The following ETV5 variants were observed in gnomAD, a reference collection of about 807,000 sequenced individuals.
The protein encoded by ETV5 is ETS translocation variant 5.
In ETV5, 10 loss-of-function variants were observed where a neutral mutation model predicts 70.0. The ratio of observed to expected loss-of-function variants is 0.14; its 90% confidence interval spans 0.09 to 0.24. ETV5 has a LOEUF of 0.24. Ranked by LOEUF, ETV5 falls within the 10% of genes least tolerant of loss-of-function variation. ETV5 has a pLI of 1.00. For synonymous variants in ETV5, 216 were observed against 242.2 expected (o/e 0.89, Z 1.01); for missense variants, 453 against 651.2 (o/e 0.70, Z 3.31).
chr3:186,107,284 G>A (rs1264177116), intron 1 of ETV5, among the ~76,000 whole-genome samples: 1 of 152,144 alleles, frequency 6.6e-6, no homozygotes, highest in Non-Finnish European at 1.5e-5. Flanking sequence ...TCAGAATAAC[G>A]CCTCTCTCAA....
chr3:186,108,177 C>T (rs1348843833), intron 1 of ETV5, among the ~76,000 whole-genome samples: 5 of 147,690 alleles, frequency 3.4e-5, no homozygotes, highest in Non-Finnish European at 6.0e-5. Context: ...AGTTCGGTTC[C>T]CCCCCGAGTT....
At chr3:186,089,959 G>T (rs1714142059) in intron 5 of ETV5, among the ~76,000 whole-genome samples, 1 of 152,152 alleles carries the variant, frequency 6.6e-6, no homozygotes, top group African/African-American at 2.4e-5. Context: ...AGGGTATTTG[G>T]GGTGAAATGT....
At chr3:186,092,648 G>A (rs554420547) in intron 5 of ETV5, among the ~76,000 whole-genome samples, 1 of 151,646 alleles carries the variant, frequency 6.6e-6, no homozygotes, top group African/African-American at 2.4e-5. Flanking sequence ...TGCCCAGGCT[G>A]GTCTCAATCT....
chr3:186,047,244 A>G lies in ETV5; in HGVS notation c.*1395T>C, dbSNP rs1465137294. 7.4e-5 allele frequency: 17 copies of G among 229,046 alleles called. No homozygotes were observed. The highest frequency in any genetic ancestry group is 1.3e-3 in the Middle Eastern group (1 of 760). The allele number at this position is 229,046 out of a possible 1,614,324, so 14.2% of individuals were successfully genotyped here. ...TAGCTTGGTTGTTTAAAACTTTTCC[A>G]ATATAATACAGCAATGAGAATAATT... On this transcript the variant is annotated 3_prime_UTR_variant, in exon 13 of 13. Coordinates refer to ENST00000306376, the MANE Select transcript of ETV5 (RefSeq NM_004454.3).
chr3:186,069,430 G>T (rs538353682), intron 7 of ETV5, among the ~76,000 whole-genome samples: 1 of 151,300 alleles, frequency 6.6e-6, no homozygotes, highest in African/African-American at 2.4e-5. Flanking sequence ...TACACTTGAC[G>T]TTTAGAACAT....
intron 12 of ETV5, 115 bp downstream of exon 12, chr3:186,051,915 C>T: frequency 1.1e-6 from 1 of 918,230 alleles, no homozygotes; most frequent in Non-Finnish European, 1.7e-6. Flanking sequence ...ACCACAGAAT[C>T]ACTTAGGGGG....
chr3:186,107,785 G>A (rs1467366389), intron 1 of ETV5, among the ~76,000 whole-genome samples: 3 of 152,030 alleles, frequency 2.0e-5, no homozygotes, highest in South Asian at 2.1e-4. Flanking sequence ...GCGAGCCGCG[G>A]CCGCCACATC....
At chr3:186,067,017 A>G (rs373069412) in intron 7 of ETV5, among the ~76,000 whole-genome samples, 4 of 152,374 alleles carry the variant, frequency 2.6e-5, no homozygotes, top group East Asian at 3.9e-4. Context: ...AAACCAGGCC[A>G]GGCATTGTGG....
At chr3:186,075,215 C>A (rs188929604) in intron 7 of ETV5, among the ~76,000 whole-genome samples, 5 of 152,312 alleles carry the variant, frequency 3.3e-5, no homozygotes, top group African/African-American at 9.6e-5. Context: ...AAAGAAGGAT[C>A]CATTAAGCAT....
At chr3:186,050,272 TGGG>T (rs1329269973) in intron 12 of ETV5, among the ~76,000 whole-genome samples, 6 of 152,192 alleles carry the variant, frequency 3.9e-5, no homozygotes, top group African/African-American at 1.4e-4. Flanking sequence ...GCCTCATTCC[TGGG>T]CCTTCCTGTA....
chr3:186,108,729 G>T, intron 1 of ETV5: 1 of 1,058,542 alleles, frequency 9.4e-7, no homozygotes, highest in Non-Finnish European at 1.2e-6. Context: ...CTCCGGAACC[G>T]TTAGCCGCAC....
chr3:186,069,884 G>A (rs939126428), intron 7 of ETV5, among the ~76,000 whole-genome samples: 12 of 152,280 alleles, frequency 7.9e-5, no homozygotes, highest in African/African-American at 2.9e-4. Flanking sequence ...TCGGCTCACT[G>A]CAACCTCCAT....
chr3:186,106,871 T>TC, intron 1 of ETV5: 1 of 845,544 alleles, frequency 1.2e-6, no homozygotes, highest in Non-Finnish European at 1.4e-6. Flanking sequence ...GGTACCATCT[T>TC]CCTAAACACT....
At position 186,052,174 on chromosome 3, in the gene ETV5, T is replaced by C; in HGVS notation, c.1210-43A>G. 1 of 1,583,642 alleles carries C rather than the reference T, an allele frequency of 6.3e-7. No homozygotes were observed. Among genetic ancestry groups the C allele is most frequent in the Admixed American group, 1.7e-5 (1 of 59,840 alleles). ...TGAAGAGCAATGGAAACGCATTCCC[T>C]GGGCCCCATGTTCTCTCCCAATCCC... is the stretch of plus-strand genomic sequence containing the variant. On this transcript the variant is annotated intron_variant, in intron 11 of 12. Transcript: ENST00000306376. The surrounding 1 kb of genome is among the most constrained non-coding windows in gnomAD (Gnocchi z 4.5).
intron 9 of ETV5, among the ~76,000 whole-genome samples, chr3:186,063,218 G>A (rs1252350647): frequency 1.3e-5 from 2 of 151,988 alleles, no homozygotes; most frequent in East Asian, 1.9e-4. Context: ...TGCAGTGAGC[G>A]GAGATCATGC....
At chr3:186,067,347 G>C (rs918940419) in intron 7 of ETV5, among the ~76,000 whole-genome samples, 4 of 152,170 alleles carry the variant, frequency 2.6e-5, no homozygotes, top group African/African-American at 9.7e-5. Flanking sequence ...CAGAAGAATC[G>C]CTTGAACCTG....
chr3:186,070,406 G>A (rs982689336), intron 7 of ETV5, among the ~76,000 whole-genome samples: 1 of 152,172 alleles, frequency 6.6e-6, no homozygotes, highest in Non-Finnish European at 1.5e-5. Flanking sequence ...GGCCTCCTCA[G>A]GAAAAGGTAC....
intron 7 of ETV5, chr3:186,078,047 T>A: frequency 9.5e-7 from 1 of 1,056,826 alleles, no homozygotes; most frequent in Non-Finnish European, 1.1e-6. Context: ...AAATAACTCA[T>A]CAATCCCAGG....
At chr3:186,108,487 G>T (rs1263109605) in intron 1 of ETV5, 1 of 1,282,316 alleles carries the variant, frequency 7.8e-7, no homozygotes, top group South Asian at 1.2e-5. Flanking sequence ...CGGTGCTCTG[G>T]GGGGCAGCGC....
Sources: allele counts gnomAD v4.1 joint callset (sites outside exome capture counted in the v4.1 genomes callset), GRCh38; gene constraint gnomAD v4.1.1; non-coding constraint Gnocchi (gnomAD v3.1); transcripts MANE v1.5; gene names NCBI Gene and HGNC (gene_info 2026-07-23, HGNC 2026-07-21).